The following IGSF11 variants were observed in gnomAD, a reference collection of about 807,000 sequenced individuals.
IGSF11 encodes the protein CXADR like 1.
Under a neutral mutation model 41.0 loss-of-function variants are expected in IGSF11, and 22 were observed. That is an observed-to-expected ratio of 0.54 (90% confidence interval 0.38 to 0.77). IGSF11 has a LOEUF of 0.77. Among genes scored for constraint, IGSF11 ranks in the 30% least tolerant of loss-of-function variants. The pLI, the probability that IGSF11 is intolerant of heterozygous loss-of-function variation, is 0.00. For synonymous variants in IGSF11, 219 were observed against 201.3 expected (o/e 1.09, Z -0.74); for missense variants, 444 against 530.8 (o/e 0.84, Z 1.61).
At chr3:119,073,169 T>A (rs1021521916) in intron 1 of IGSF11, among the ~76,000 whole-genome samples, 4 of 152,014 alleles carry the variant, frequency 2.6e-5, no homozygotes, top group Admixed American at 6.5e-5. Flanking sequence ...TAGCTAGACA[T>A]AAAGGTTCTC....
At chr3:119,140,932 T>A (rs919233796) in intron 1 of IGSF11, among the ~76,000 whole-genome samples, 14 of 149,480 alleles carry the variant, frequency 9.4e-5, no homozygotes, top group African/African-American at 3.0e-4. Flanking sequence ...TAATTCCAGC[T>A]ACTCAGGAGG....
At chr3:119,078,072 A>G (rs2076529799) in intron 1 of IGSF11, among the ~76,000 whole-genome samples, 1 of 152,202 alleles carries the variant, frequency 6.6e-6, no homozygotes, top group African/African-American at 2.4e-5. Flanking sequence ...AAACATCGAT[A>G]TTATTAATAT....
At chr3:118,933,608 G>A (rs1468701242) in intron 1 of IGSF11, among the ~76,000 whole-genome samples, 3 of 151,896 alleles carry the variant, frequency 2.0e-5, no homozygotes, top group Admixed American at 6.6e-5. Flanking sequence ...GCTCAAGGTC[G>A]CACAGTCGCA....
At chr3:119,024,060 T>C (rs1373629824) in intron 1 of IGSF11, among the ~76,000 whole-genome samples, 1 of 152,208 alleles carries the variant, frequency 6.6e-6, no homozygotes, top group Non-Finnish European at 1.5e-5. Context: ...CACAACATTA[T>C]ACTTTCTTAT....
chr3:119,075,323 A>G (rs2076474977), intron 1 of IGSF11, among the ~76,000 whole-genome samples: 1 of 152,174 alleles, frequency 6.6e-6, no homozygotes, highest in Non-Finnish European at 1.5e-5. Context: ...TTCTAAAATT[A>G]AATCAATAAT....
intron 4 of IGSF11, among the ~76,000 whole-genome samples, chr3:118,918,766 T>C (rs1941439768): frequency 7.1e-6 from 1 of 141,006 alleles, no homozygotes; most frequent in Non-Finnish European, 1.5e-5. Flanking sequence ...TACTTTAAAG[T>C]TCATATGGAA....
intron 1 of IGSF11, among the ~76,000 whole-genome samples, chr3:119,073,731 C>T (rs1425443314): frequency 2.6e-5 from 4 of 152,212 alleles, no homozygotes; most frequent in Middle Eastern, 3.2e-3. Context: ...ACCCGGAACT[C>T]GCGCTGGCCT....
Position 119,122,065 on chromosome 3 carries a change from C to T in IGSF11, c.-13-16860G>A, listed in dbSNP as rs537059628. Among the ~76,000 whole-genome samples, 18 of 152,182 alleles carry T rather than the reference C, an allele frequency of 1.2e-4. 1 individual carries two copies. The highest frequency in any genetic ancestry group is 2.1e-4 in the South Asian group (1 of 4,826). On this transcript the variant is annotated intron_variant, in intron 1 of 7. Coordinates refer to the IGSF11 transcript ENST00000425327. ...ACATCAAATTTAACAAGTATCTACA[C>T]AAAAAAGTACATTCATAAAAACTAA...
intron 1 of IGSF11, among the ~76,000 whole-genome samples, chr3:119,131,346 GAGA>G (rs1263008120): frequency 6.6e-6 from 1 of 152,164 alleles, no homozygotes; most frequent in Non-Finnish European, 1.5e-5. Flanking sequence ...AAACAGTGGA[GAGA>G]AGACCTTAAA....
intron 1 of IGSF11, among the ~76,000 whole-genome samples, chr3:119,094,968 G>A (rs116548167): frequency 0.026 from 3,890 of 151,996 alleles, 106 homozygotes; most frequent in Admixed American, 0.07. Flanking sequence ...CACCGAGCCT[G>A]GACAAGTCTC....
chr3:118,901,533 A>G lies in IGSF11; in HGVS notation c.*987T>C, dbSNP rs1310932142. On this transcript the variant is annotated 3_prime_UTR_variant, in exon 7 of 7. Coordinates refer to ENST00000393775, the MANE Select transcript of IGSF11 (RefSeq NM_001015887.3). The stretch of plus-strand genomic sequence containing the variant: ...ACAAAAGGCATCAGGTGCTGCCCTC[A>G]TTAATAGTAACCTACTGTAATAGCA... 1 of 152,192 alleles carries G rather than the reference A, an allele frequency of 6.6e-6. No homozygotes were observed. Among genetic ancestry groups the G allele is most frequent in the Admixed American group, 6.5e-5 (1 of 15,274 alleles). The allele number at this position is 152,192 out of a possible 1,614,324, so 9.4% of individuals were successfully genotyped here. A position where few individuals can be genotyped will look rare whatever the true frequency, so the allele number is the denominator to read the frequency against.
rs561979367 is a variant in IGSF11, at chr3:118,911,677, G to C, written c.581-5959C>G. Among the ~76,000 whole-genome samples the C allele has an allele frequency of 1.3e-4, 19 of 151,962 alleles. 1 individual carries two copies. Among genetic ancestry groups the C allele is most frequent in the African/African-American group, 4.6e-4 (19 of 41,456 alleles). On this transcript the variant is annotated intron_variant, in intron 4 of 6. Transcript: ENST00000393775. ...AGAGAGAGAGAGAACAAAGAGGAGAGAGGAGAGAGAAGAGATAGAAAGTGA... is the reference window on the plus strand; with the variant it reads ...AGAGAGAGAGAGAACAAAGAGGAGACAGGAGAGAGAAGAGATAGAAAGTGA...
chr3:119,047,777 C>G (rs950858708), intron 1 of IGSF11, among the ~76,000 whole-genome samples: 5 of 151,976 alleles, frequency 3.3e-5, no homozygotes, highest in African/African-American at 4.8e-5. Context: ...TGTAAAAGAA[C>G]AGAAATTATA....
chr3:118,931,014 T>C (rs1576401720), intron 1 of IGSF11, among the ~76,000 whole-genome samples: 1 of 152,312 alleles, frequency 6.6e-6, no homozygotes, highest in East Asian at 1.9e-4. Flanking sequence ...TACTAGCTTT[T>C]TAAGGATAGA....
At chr3:119,052,558 T>C (rs994958194) in intron 1 of IGSF11, among the ~76,000 whole-genome samples, 1 of 151,842 alleles carries the variant, frequency 6.6e-6, no homozygotes, top group African/African-American at 2.4e-5. Context: ...CTGAATTCTG[T>C]CAGACATTCA....
intron 1 of IGSF11, among the ~76,000 whole-genome samples, chr3:118,956,708 G>GA (rs1248987936): frequency 2.0e-5 from 3 of 152,024 alleles, no homozygotes; most frequent in Admixed American, 1.3e-4. Flanking sequence ...GCAGAGTTAA[G>GA]AAAAAAGAGA....
At chr3:119,142,362 CA>C (rs1301813612) in intron 1 of IGSF11, among the ~76,000 whole-genome samples, 1 of 149,800 alleles carries the variant, frequency 6.7e-6, no homozygotes, top group Non-Finnish European at 1.5e-5. Flanking sequence ...AAGTAACATA[CA>C]AACTGTCCAG....
At chr3:118,997,260 T>C (rs1936363857) in intron 1 of IGSF11, among the ~76,000 whole-genome samples, 1 of 152,212 alleles carries the variant, frequency 6.6e-6, no homozygotes, top group Non-Finnish European at 1.5e-5. Context: ...AGTAGAGTTA[T>C]CTACGGTAAA....
chr3:119,073,595 G>T (rs560349135), intron 1 of IGSF11, among the ~76,000 whole-genome samples: 3 of 152,308 alleles, frequency 2.0e-5, no homozygotes, highest in African/African-American at 7.2e-5. Context: ...CAGTGCCGGT[G>T]GGCCGGCAGT....
Sources: gnomAD v4.1 joint callset for allele counts (sites outside exome capture counted in the v4.1 genomes callset) on GRCh38, gnomAD v4.1.1 for gene constraint, MANE v1.5 for transcripts, NCBI Gene and HGNC (gene_info 2026-07-23, HGNC 2026-07-21) for gene names.